Variants in SYNE1 observed in about 807,000 individuals in gnomAD.
SYNE1 encodes nesprin-1.
A neutral mutation model predicts 1,111.0 loss-of-function variants in SYNE1; 616 were observed. That is an observed-to-expected ratio of 0.55 (90% CI 0.52 to 0.59). The LOEUF (loss-of-function observed/expected upper bound fraction) is 0.59, where lower values mean the gene tolerates loss of function less well. Ranked by LOEUF, SYNE1 falls within the 20% of genes least tolerant of loss-of-function variation. SYNE1 has a pLI of 0.00. For synonymous variants in SYNE1, 3,855 were observed against 3,825.8 expected, an observed-to-expected ratio of 1.01 and a Z score of -0.28; for missense variants, 10,006 against 10,417.0, an observed-to-expected ratio of 0.96 and a Z score of 1.72.
At chr6:152,544,239 G>A (rs2099293483) in intron 3 of SYNE1, among the ~76,000 whole-genome samples, 1 of 152,128 alleles carries the variant, frequency 6.6e-6, no homozygotes, top group African/African-American at 2.4e-5. Context: ...AGCTGTGATA[G>A]GCTCTGATTT....
rs548283137 is a variant in SYNE1 at position 152,367,231 on chromosome 6, G to A, written c.9959C>T (p.Thr3320Met). 5.2e-5 allele frequency: 84 copies of A among 1,614,168 alleles called. No individual in the cohort carries two copies. The highest frequency in any genetic ancestry group is 6.2e-5 in the Non-Finnish European group (73 of 1,180,024). The part of the protein sequence containing the change: ...TSDKSVLDSR[T>M]LKLEALLSVK... ...AAAGATGCACACCTCGAGCTTGAGC[G>A]TCCTGCTGTCCAGCACACTTTTGTC... is the stretch of plus-strand genomic sequence containing the variant. Residue 3320 changes from threonine to methionine, a missense_variant, in exon 62 of 146, where the codon ACG (threonine) becomes ATG (methionine). Physicochemically the swap from Thr to Met is moderately conservative, Grantham distance 81 (BLOSUM62 -1). Around this residue, in one of 7 missense-constraint regions of SYNE1, gnomAD observed 4,955 missense variants for 5,017.2 expected, o/e 0.99. Transcript: ENST00000367255.
At chr6:152,413,985 AAT>A (rs3046241) in intron 41 of SYNE1, among the ~76,000 whole-genome samples, 67,257 of 144,932 alleles carry the variant, frequency 0.46, 16,593 homozygotes, top group Non-Finnish European at 0.55. Context: ...AGCTCTGCAG[AAT>A]ATATATATAT....
intron 91 of SYNE1, among the ~76,000 whole-genome samples, chr6:152,303,084 A>C (rs2095253591): frequency 6.7e-6 from 1 of 149,162 alleles, no homozygotes; most frequent in Admixed American, 6.8e-5. Flanking sequence ...TCCTAAAAGT[A>C]CAAAACTATT....
At chr6:152,457,476 G>C (rs1482232674) in intron 22 of SYNE1, among the ~76,000 whole-genome samples, 2 of 152,124 alleles carry the variant, frequency 1.3e-5, no homozygotes, top group African/African-American at 4.8e-5. Context: ...TGATGGACAG[G>C]TTCATTATAA....
intron 145 of SYNE1, chr6:152,127,214 G>A (rs2152601294): frequency 6.6e-6 from 1 of 152,278 alleles, no homozygotes; most frequent in Non-Finnish European, 1.5e-5. Flanking sequence ...CCCTTCAGCA[G>A]AGTGGTACGG....
chr6:152,291,726 A>G (rs2094614157), intron 95 of SYNE1, among the ~76,000 whole-genome samples: 1 of 152,166 alleles, frequency 6.6e-6, no homozygotes, highest in Non-Finnish European at 1.5e-5. Context: ...AATTGTGGGC[A>G]GCCTCCTGGG....
chr6:152,369,102 T>TA lies in SYNE1; in HGVS notation c.9676dup (p.Tyr3226LeufsTer26). 2 of 1,613,910 alleles carry TA rather than the reference T, an allele frequency of 1.2e-6. No homozygotes were observed. The highest frequency in any genetic ancestry group is 1.7e-6 in the Non-Finnish European group (2 of 1,180,024). On this transcript the variant is annotated frameshift_variant, in exon 61 of 146. Transcript: ENST00000367255. LOFTEE classifies it high-confidence loss of function. Reference sequence around the variant, plus strand: ...TTTCAGCCTGTTGAGCTGAGGCTCGTAGCAGTGTATTTCCTCAAGGACAGA... The same window carrying TA: ...TTTCAGCCTGTTGAGCTGAGGCTCGTAAGCAGTGTATTTCCTCAAGGACAGA...
chr6:152,339,997 C>A (rs2096496499), intron 74 of SYNE1, among the ~76,000 whole-genome samples: 1 of 152,148 alleles, frequency 6.6e-6, no homozygotes, highest in African/African-American at 2.4e-5. Flanking sequence ...ACCCTTGCTC[C>A]CAGGGAGTTG....
chr6:152,375,891 G>A (rs2097271826), intron 58 of SYNE1, among the ~76,000 whole-genome samples: 1 of 152,202 alleles, frequency 6.6e-6, no homozygotes, highest in Admixed American at 6.5e-5. Flanking sequence ...AGAAGCAATT[G>A]TTTTAAGTGG....
chr6:152,582,484 T>C lies in SYNE1; in HGVS notation c.68-42463A>G, dbSNP rs571270971. Reference sequence around the variant, plus strand: ...AAATTTTAAGTCAAATTTATATATATACACACACACATATATTACATATTA... The same window carrying C: ...AAATTTTAAGTCAAATTTATATATACACACACACACATATATTACATATTA... On this transcript the variant is annotated intron_variant, in intron 3 of 145. Transcript: ENST00000367255. Among the ~76,000 whole-genome samples, 24 of 152,060 alleles carry C rather than the reference T, an allele frequency of 1.6e-4. No homozygotes were observed. The Middle Eastern group carries it at 0.021, about 130-fold the overall frequency.
chr6:152,570,508 G>A (rs1472564511), intron 3 of SYNE1, among the ~76,000 whole-genome samples: 2 of 152,176 alleles, frequency 1.3e-5, no homozygotes, highest in African/African-American at 2.4e-5. Context: ...GGCCAACGTG[G>A]TCAACTTGAC....
In SYNE1 at chr6:152,496,008, T is replaced by C. The variant is rs117629797; in HGVS notation, c.939+2734A>G. Among the ~76,000 whole-genome samples the C allele has an allele frequency of 9.6e-3, 1,459 of 152,318 alleles. 7 individuals carry two copies. The highest frequency in any genetic ancestry group is 0.017 in the Admixed American group (257 of 15,288). On this transcript the variant is annotated intron_variant, in intron 11 of 145. Coordinates refer to ENST00000367255, the MANE Select transcript of SYNE1 (RefSeq NM_182961.4). ...ACAAGACACCTCTTTTAGTGCTCTT[T>C]CTCATTTTTTCACTTTGCATTTCCA...
chr6:152,588,882 G>A (rs972886962), intron 3 of SYNE1, among the ~76,000 whole-genome samples: 1 of 152,094 alleles, frequency 6.6e-6, no homozygotes. Context: ...AATAAGCCAG[G>A]CTTAACCCTC....
At chr6:152,507,436 C>T (rs960601624) in intron 8 of SYNE1, among the ~76,000 whole-genome samples, 2 of 152,038 alleles carry the variant, frequency 1.3e-5, no homozygotes, top group African/African-American at 4.8e-5. Flanking sequence ...TTTATTTCTT[C>T]TATATTTGTT....
intron 115 of SYNE1, among the ~76,000 whole-genome samples, chr6:152,227,372 T>G (rs1461713840): frequency 1.3e-5 from 2 of 152,222 alleles, no homozygotes. Flanking sequence ...TTATTTATTT[T>G]TCTCTATTGA....
intron 87 of SYNE1, 25 bp downstream of exon 87, chr6:152,316,824 T>C (rs2095737066): frequency 1.2e-6 from 2 of 1,613,748 alleles, no homozygotes. Context: ...GGTTACTTTT[T>C]AAAGATTATT....
chr6:152,447,334 C>T (rs571677705), intron 29 of SYNE1, 124 bp downstream of exon 29: 3 of 1,113,008 alleles, frequency 2.7e-6, no homozygotes, highest in Non-Finnish European at 1.3e-6. Flanking sequence ...AAAAGCATAA[C>T]AACAATTCTG....
At chr6:152,499,883 TTAAAG>T (rs1466977678) in intron 10 of SYNE1, among the ~76,000 whole-genome samples, 1 of 152,196 alleles carries the variant, frequency 6.6e-6, no homozygotes, top group Non-Finnish European at 1.5e-5. Context: ...TTCTGGATGA[TTAAAG>T]TAACCTCTGA....
At chr6:152,379,313 C>G (rs114488001) in intron 56 of SYNE1, among the ~76,000 whole-genome samples, 1,670 of 152,096 alleles carry the variant, frequency 0.011, 25 homozygotes, top group African/African-American at 0.038. Flanking sequence ...ATTTCCAAAG[C>G]TAATATCCCA....
Sources: gnomAD v4.1 joint callset for allele counts (sites outside exome capture counted in the v4.1 genomes callset) on GRCh38, gnomAD v4.1.1 for gene constraint, gnomAD v4.1.1 regional missense constraint, MANE v1.5 for transcripts, NCBI Gene and HGNC (gene_info 2026-07-23, HGNC 2026-07-21) for gene names.